Variants in LTBP1 observed in about 807,000 individuals in gnomAD.
The protein encoded by LTBP1 is latent transforming growth factor beta binding protein 1.
A neutral mutation model predicts 207.6 loss-of-function variants in LTBP1; 129 were observed. That is an observed-to-expected ratio of 0.62 (90% CI 0.54 to 0.72). LTBP1 has a LOEUF of 0.72. Among genes scored for constraint, LTBP1 ranks in the 30% least tolerant of loss-of-function variants. The pLI, the probability that LTBP1 is intolerant of heterozygous loss-of-function variation, is 0.00. For synonymous variants in LTBP1, 963 were observed against 833.7 expected, an observed-to-expected ratio of 1.16 and a Z score of -2.67; for missense variants, 2,281 against 2,217.2, an observed-to-expected ratio of 1.03 and a Z score of -0.58.
At chr2:33,015,572 T>C (rs1688260161) in intron 2 of LTBP1, among the ~76,000 whole-genome samples, 2 of 138,472 alleles carry the variant, frequency 1.4e-5, no homozygotes, top group African/African-American at 5.5e-5. Context: ...TTGACTAGCA[T>C]GTGGAATGTG....
chr2:32,975,643 G>C (rs1681647960), intron 2 of LTBP1, among the ~76,000 whole-genome samples: 1 of 105,742 alleles, frequency 9.5e-6, no homozygotes, highest in Non-Finnish European at 1.7e-5. Flanking sequence ...TTAATTCAGA[G>C]AATCAGTGTT....
intron 20 of LTBP1, among the ~76,000 whole-genome samples, chr2:33,296,546 G>C (rs1049323062): frequency 6.6e-6 from 1 of 152,098 alleles, no homozygotes; most frequent in South Asian, 2.1e-4. Context: ...TAGGGGATCA[G>C]ACTCTCTAAT....
At chr2:33,132,576 C>T (rs1157192796) in intron 4 of LTBP1, among the ~76,000 whole-genome samples, 4 of 152,130 alleles carry the variant, frequency 2.6e-5, no homozygotes, top group Non-Finnish European at 4.4e-5. Flanking sequence ...TGCTAGCCCT[C>T]GATTTAAAGT....
At chr2:33,389,927 C>T (rs772822296) in intron 32 of LTBP1, among the ~76,000 whole-genome samples, 5 of 152,158 alleles carry the variant, frequency 3.3e-5, no homozygotes, top group Non-Finnish European at 7.4e-5. Flanking sequence ...CATGAGTCAC[C>T]GTGCCCTGCC....
intron 27 of LTBP1, among the ~76,000 whole-genome samples, chr2:33,361,201 A>G (rs541830115): frequency 2.6e-5 from 4 of 152,244 alleles, no homozygotes; most frequent in African/African-American, 4.8e-5. Context: ...AAGCATGAGT[A>G]AGAAAATATT....
chr2:33,336,306 T>C (rs886399050), intron 24 of LTBP1, among the ~76,000 whole-genome samples: 1 of 152,180 alleles, frequency 6.6e-6, no homozygotes, highest in African/African-American at 2.4e-5. Context: ...CTTTTTTAAC[T>C]ATCATCATGG....
chr2:33,167,875 T>C (rs1422335157), intron 5 of LTBP1, among the ~76,000 whole-genome samples: 1 of 152,220 alleles, frequency 6.6e-6, no homozygotes, highest in African/African-American at 2.4e-5. Context: ...TTAGATTTCT[T>C]CCACTGGTGG....
intron 5 of LTBP1, among the ~76,000 whole-genome samples, chr2:33,140,184 C>T (rs2082520733): frequency 6.6e-6 from 1 of 152,160 alleles, no homozygotes; most frequent in Non-Finnish European, 1.5e-5. Flanking sequence ...AGAGCAGAAG[C>T]AGTTCGTGCT....
intron 9 of LTBP1, among the ~76,000 whole-genome samples, chr2:33,227,992 A>G (rs1332305790): frequency 2.6e-5 from 4 of 151,766 alleles, no homozygotes; most frequent in Admixed American, 1.3e-4. Context: ...TTTTCAGTAG[A>G]GACGGGGTTT....
intron 2 of LTBP1, among the ~76,000 whole-genome samples, chr2:33,015,846 A>G (rs1304738297): frequency 6.6e-6 from 1 of 152,084 alleles, no homozygotes; most frequent in Non-Finnish European, 1.5e-5. Context: ...GAGGAGGAGG[A>G]AGAGAGAGAG....
chr2:33,312,517 G>A (rs575355996), intron 23 of LTBP1, among the ~76,000 whole-genome samples: 5 of 152,194 alleles, frequency 3.3e-5, no homozygotes, highest in African/African-American at 1.2e-4. Flanking sequence ...AATTTCTGTG[G>A]AATCGCGGAC....
chr2:33,192,906 T>C (rs1258584454), intron 7 of LTBP1, among the ~76,000 whole-genome samples: 2 of 152,152 alleles, frequency 1.3e-5, no homozygotes. Context: ...AAGTCCACTC[T>C]GGTGATAACT....
At position 32,947,425 on chromosome 2, in the gene LTBP1, CG is replaced by C; in HGVS notation, c.104del (p.Gly35AlafsTer11). On this transcript the variant is annotated frameshift_variant, in exon 1 of 34. Coordinates refer to ENST00000404816, the MANE Select transcript of LTBP1 (RefSeq NM_206943.4). LOFTEE classifies it high-confidence loss of function. ...RLRRITYVVHPGPGLAAGALP... is the reference protein window; with the variant it reads ...RLRRITYVVHXGPGLAAGALP... ...CGGAGGATCACCTACGTGGTGCACC[CG>C]GGCCCCGGCCTGGCAGCCGGCGCCT... 6.9e-7 allele frequency: 1 copy of C among 1,439,350 alleles called. No individual in the cohort carries two copies. The highest frequency in any genetic ancestry group is 1.3e-5 in the South Asian group (1 of 74,460). 89.2% of individuals were successfully genotyped at this position (1,439,350 alleles called of 1,614,324 possible). A position where few individuals can be genotyped will look rare whatever the true frequency, so the allele number is the denominator to read the frequency against.
Position 33,200,277 on chromosome 2 carries a change from G to A in LTBP1, c.1701+11426G>A, listed in dbSNP as rs2089070280. Among the ~76,000 whole-genome samples, 5 of 152,130 alleles carry A rather than the reference G, an allele frequency of 3.3e-5. No homozygotes were observed. In the South Asian group the frequency reaches 1.0e-3, roughly 32 times the overall value. ...AGCGTGGTACTGGTACCAAAACAGA[G>A]ATATAAATCAATGCAACAGAACAGA... On this transcript the variant is annotated intron_variant, in intron 7 of 33. Coordinates refer to ENST00000404816, the MANE Select transcript of LTBP1 (RefSeq NM_206943.4).
intron 10 of LTBP1, among the ~76,000 whole-genome samples, chr2:33,248,125 G>A (rs1386726909): frequency 6.6e-6 from 1 of 152,190 alleles, no homozygotes; most frequent in Non-Finnish European, 1.5e-5. Context: ...TGGCACCGTG[G>A]CCCGGAGGTG....
intron 3 of LTBP1, among the ~76,000 whole-genome samples, chr2:33,030,015 T>C (rs12475231): frequency 0.079 from 11,974 of 152,180 alleles, 892 homozygotes; most frequent in East Asian, 0.3. Flanking sequence ...AGACACAGAA[T>C]TTATTTTTTA....
chr2:33,319,737 A>G (rs1263724261), intron 24 of LTBP1, among the ~76,000 whole-genome samples: 2 of 152,266 alleles, frequency 1.3e-5, no homozygotes, highest in East Asian at 3.9e-4. Flanking sequence ...TCCTGTTCAC[A>G]TGATACAGCG....
chr2:33,279,888 A>T (rs771462819), intron 18 of LTBP1, 151 bp from the exon 19 acceptor site: 2 of 697,662 alleles, frequency 2.9e-6, no homozygotes, highest in African/African-American at 1.8e-5. Context: ...CATGTATTTA[A>T]GTATAGACCC....
chr2:33,350,904 G>C (rs913238880), intron 26 of LTBP1, among the ~76,000 whole-genome samples: 1 of 151,998 alleles, frequency 6.6e-6, no homozygotes, highest in Admixed American at 6.6e-5. Flanking sequence ...TTCCTTGATT[G>C]GTGTACAGAG....
Sources: gnomAD v4.1 joint callset for allele counts (sites outside exome capture counted in the v4.1 genomes callset) on GRCh38, gnomAD v4.1.1 for gene constraint, MANE v1.5 for transcripts, NCBI Gene and HGNC (gene_info 2026-07-23, HGNC 2026-07-21) for gene names.